Variants in HDAC5 observed in about 807,000 individuals in gnomAD.
HDAC5 encodes antigen NY-CO-9.
Under a neutral mutation model 133.3 loss-of-function variants are expected in HDAC5, and 25 were observed. That is an observed-to-expected ratio of 0.19 (90% CI 0.14 to 0.26). HDAC5 has a LOEUF of 0.26. HDAC5 is among the 10% of genes least tolerant of loss of function. The pLI is 1.00. For synonymous variants in HDAC5, 589 were observed against 610.8 expected (o/e 0.96, Z 0.53); for missense variants, 1,041 against 1,460.5 (o/e 0.71, Z 4.68).
rs79850771 is a variant in HDAC5, at chr17:44,078,013, G to A, written c.*363C>T. 391 of 213,472 alleles carry A rather than the reference G, an allele frequency of 1.8e-3. 9 individuals are homozygous for A. In the East Asian group the frequency reaches 0.03, roughly 16 times the overall value. The allele number at this position is 213,472 out of a possible 1,614,324, so 13.2% of individuals were successfully genotyped here. A position where few individuals can be genotyped will look rare whatever the true frequency, so the allele number is the denominator to read the frequency against. ...CCAAATCAGCTGAAACCAAGGCACC[G>A]ACTTCCCGTTCCCTCCTCACTCGGG... On this transcript the variant is annotated 3_prime_UTR_variant, in exon 27 of 27. Transcript: ENST00000682912.
chr17:44,084,271 G>A (rs779556564), intron 16 of HDAC5, among the ~76,000 whole-genome samples: 1 of 152,154 alleles, frequency 6.6e-6, no homozygotes, highest in Non-Finnish European at 1.5e-5. Context: ...TTACCTCTGG[G>A]GGCAGGTGGC....
At chr17:44,088,980 G>C (rs1018101529) in intron 11 of HDAC5, among the ~76,000 whole-genome samples, 3 of 151,952 alleles carry the variant, frequency 2.0e-5, no homozygotes, top group African/African-American at 7.3e-5. Flanking sequence ...CGCCAGGCTA[G>C]GAAGCCCTAG....
intron 23 of HDAC5, 44 bp from the exon 24 acceptor site, chr17:44,079,321 A>C (rs751803378): frequency 1.3e-6 from 2 of 1,593,570 alleles, no homozygotes; most frequent in East Asian, 2.2e-5. Context: ...GGCGAAAGGT[A>C]ATCAATCAAT....
At chr17:44,082,319 C>A in intron 20 of HDAC5, 1 of 525,898 alleles carries the variant, frequency 1.9e-6, no homozygotes, top group Non-Finnish European at 3.4e-6. Flanking sequence ...TAGGAAATCC[C>A]CTTCGTTGCT....
chr17:44,093,587 C>G lies in HDAC5; in HGVS notation c.342G>C (p.Gln114His). The stretch of plus-strand genomic sequence containing the variant: ...CCCCCTCGCTCACCTTGAGGTGCTT[C>G]TGCAGCTGGACCTCATGCTGCCTTG... ...HLTRQHEVQL[Q>H]KHLKQQQEML... is the part of the protein sequence containing the mutation. Residue 114 changes from glutamine to histidine, a missense_variant, in exon 4 of 27, where the codon CAG becomes CAC. By Grantham distance (24) the Gln-to-His change is conservative. Coordinates refer to ENST00000682912, the MANE Select transcript of HDAC5 (RefSeq NM_005474.5). 1 of 1,608,094 alleles carries G rather than the reference C, an allele frequency of 6.2e-7. No homozygotes were observed. Among genetic ancestry groups the G allele is most frequent in the Non-Finnish European group, 8.5e-7 (1 of 1,176,842 alleles).
chr17:44,092,284 G>C lies in HDAC5; in HGVS notation c.920C>G (p.Ala307Gly), dbSNP rs376431873. The C allele has an allele frequency of 7.4e-6, 12 of 1,613,784 alleles. No homozygotes were observed. Among genetic ancestry groups the C allele is most frequent in the African/African-American group, 5.3e-5 (4 of 74,864 alleles). Residue 307 changes from alanine to glycine, a missense_variant and splice_region_variant, in exon 9 of 27, where the codon GCG (alanine) becomes GGG (glycine). By Grantham distance (60) the Ala-to-Gly change is moderately conservative. Coordinates refer to ENST00000682912, the MANE Select transcript of HDAC5 (RefSeq NM_005474.5). ...GGGTGCGCTGTTACACACGGACGAC[G>C]CTATAGGAGAAGTGGCTGTCACCTG... is the stretch of plus-strand genomic sequence containing the variant. ...AVEITGAGPGASSVCNSAPGS... is the reference protein window; with the variant it reads ...AVEITGAGPGGSSVCNSAPGS...
intron 22 of HDAC5, 59 bp from the exon 23 acceptor site, chr17:44,080,284 T>A (rs2050329365): frequency 1.3e-6 from 2 of 1,561,812 alleles, no homozygotes; most frequent in Admixed American, 1.7e-5. Flanking sequence ...CTCGCCCCAC[T>A]GTTATCCTCC....
At chr17:44,122,789 G>C (rs1306592114) in intron 1 of HDAC5, among the ~76,000 whole-genome samples, 4 of 152,170 alleles carry the variant, frequency 2.6e-5, no homozygotes, top group Non-Finnish European at 5.9e-5. Context: ...ATGAGATACA[G>C]ATCCAGGATG....
At position 44,078,901 on chromosome 17, in the gene HDAC5, G is replaced by A. The variant is rs377252374; in HGVS notation, c.3079-22C>T. ...GCAGCTGGCAGGGGAAAGAAGAGAA[G>A]GCTTAGGGTGGGGAGTAGGGTTGCC... On this transcript the variant is annotated intron_variant, in intron 24 of 26. Coordinates refer to ENST00000682912, the MANE Select transcript of HDAC5 (RefSeq NM_005474.5). 5.0e-6 allele frequency: 8 copies of A among 1,612,894 alleles called. No individual in the cohort carries two copies. In the African/African-American group the frequency reaches 9.3e-5, roughly 19 times the overall value.
intron 3 of HDAC5, among the ~76,000 whole-genome samples, chr17:44,102,427 C>A (rs572898900): frequency 5.3e-4 from 80 of 152,256 alleles, no homozygotes; most frequent in African/African-American, 1.9e-3. Flanking sequence ...GTGGTGCAAT[C>A]TTGGCTCACT....
At position 44,083,590 on chromosome 17, in the gene HDAC5, G is replaced by A. The variant is rs942423521; in HGVS notation, c.2418C>T (p.Gly806=). 1 of 1,614,140 alleles carries A rather than the reference G, an allele frequency of 6.2e-7. No individual in the cohort carries two copies. The highest frequency in any genetic ancestry group is 8.5e-7 in the Non-Finnish European group (1 of 1,180,024). Residue 806 remains glycine (G), a synonymous_variant, in exon 18 of 27, where the codon GGC becomes GGT. Coordinates refer to ENST00000682912, the MANE Select transcript of HDAC5 (RefSeq NM_005474.5). ...HSSSAVRMAV[G]CLLELAFKVA... ...CCTTGAAGGCCAGCTCCAGCAGGCA[G>A]CCCACTGCCATGCGCACAGCACTGG...
chr17:44,082,759 A>G lies in HDAC5; in HGVS notation c.2519+6T>C, dbSNP rs369492491. 2.3e-4 allele frequency: 367 copies of G among 1,585,426 alleles called. No individual in the cohort carries two copies. Among genetic ancestry groups the G allele is most frequent in the Admixed American group, 2.6e-4 (14 of 53,946 alleles). On this transcript the variant is annotated splice_donor_region_variant and intron_variant, in intron 19 of 26. Coordinates refer to ENST00000682912, the MANE Select transcript of HDAC5 (RefSeq NM_005474.5). The stretch of plus-strand genomic sequence containing the variant: ...GGGGCGAGGGCAGAGAATCTAGGGC[A>G]CTCACATGGCTGTGGATTCCTCGGC...
Position 44,092,722 on chromosome 17 carries a change from C to T in HDAC5, c.726G>A (p.Leu242=). The part of the protein sequence containing the change: ...PGTPPSYKLP[L]PGPYDSRDDF... ...CGTCTCGACTGTCGTAGGGCCCAGG[C>T]AAAGGCAGTTTGTAGGAGGGAGGCG... The change falls in exon 7 of 27, where the codon TTG becomes TTA. Residue 242 remains leucine (L), a synonymous_variant. Coordinates refer to ENST00000682912, the MANE Select transcript of HDAC5 (RefSeq NM_005474.5). 6.7e-7 allele frequency: 1 copy of T among 1,484,718 alleles called. No homozygotes were observed. Among genetic ancestry groups the T allele is most frequent in the Non-Finnish European group, 8.9e-7 (1 of 1,117,958 alleles). The allele number at this position is 1,484,718 out of a possible 1,614,324, so 92.0% of individuals were successfully genotyped here.
chr17:44,123,494 G>C lies in HDAC5; in HGVS notation c.-190+10C>G, dbSNP rs896069601. 2.6e-6 allele frequency: 1 copy of C among 377,828 alleles called. No homozygotes were observed. The highest frequency in any genetic ancestry group is 4.7e-6 in the Non-Finnish European group (1 of 213,174). The allele number at this position is 377,828 out of a possible 1,614,324, so 23.4% of individuals were successfully genotyped here. A position where few individuals can be genotyped will look rare whatever the true frequency, so the allele number is the denominator to read the frequency against. On this transcript the variant is annotated intron_variant, in intron 1 of 26. Coordinates refer to ENST00000682912, the MANE Select transcript of HDAC5 (RefSeq NM_005474.5). ...GGAAGATGGGATCTGGGCCGGGGCG[G>C]CGCGCTCACCCGCTGCGGCTCGAGC...
intron 3 of HDAC5, among the ~76,000 whole-genome samples, chr17:44,106,359 G>A (rs2051942805): frequency 6.6e-6 from 1 of 152,140 alleles, no homozygotes; most frequent in Non-Finnish European, 1.5e-5. Context: ...ACAACCCCAG[G>A]AGGCCCCCAA....
chr17:44,103,558 G>C (rs533078892), intron 3 of HDAC5, among the ~76,000 whole-genome samples: 1 of 152,150 alleles, frequency 6.6e-6, no homozygotes, highest in Admixed American at 6.5e-5. Context: ...AGTTAGGCTC[G>C]GGAGAATGTA....
intron 6 of HDAC5, 34 bp downstream of exon 6, chr17:44,093,058 C>T (rs2051042420): frequency 6.5e-7 from 1 of 1,526,896 alleles, no homozygotes. Context: ...GAGCGGCTCA[C>T]CTATGCCCAC....
intron 3 of HDAC5, among the ~76,000 whole-genome samples, chr17:44,095,729 C>A (rs1192503051): frequency 1.3e-5 from 2 of 149,970 alleles, no homozygotes; most frequent in African/African-American, 4.9e-5. Flanking sequence ...AGAGGATGGG[C>A]GGGCAGGCAG....
At chr17:44,106,061 G>A (rs1216228099) in intron 3 of HDAC5, among the ~76,000 whole-genome samples, 1 of 152,198 alleles carries the variant, frequency 6.6e-6, no homozygotes, top group Non-Finnish European at 1.5e-5. Context: ...CTGCCTCACA[G>A]CGTCCCCAGG....
Sources: allele counts gnomAD v4.1 joint callset (sites outside exome capture counted in the v4.1 genomes callset), GRCh38; gene constraint gnomAD v4.1.1; transcripts MANE v1.5; gene names NCBI Gene and HGNC (gene_info 2026-07-23, HGNC 2026-07-21).